Variants in ZNF804B observed in about 807,000 individuals in gnomAD.
The protein encoded by ZNF804B is zinc finger 804B.
In ZNF804B, 80 loss-of-function variants were observed where a neutral mutation model predicts 101.4. The observed-to-expected ratio is 0.79, with a 90% confidence interval of 0.66 to 0.95. ZNF804B has a LOEUF of 0.95. ZNF804B is among the 40% of genes least tolerant of loss of function. ZNF804B has a pLI of 0.00. For synonymous variants in ZNF804B, 622 were observed against 558.8 expected, an observed-to-expected ratio of 1.11 and a Z score of -1.59; for missense variants, 1,673 against 1,561.9, an observed-to-expected ratio of 1.07 and a Z score of -1.20.
At chr7:89,075,709 C>G (rs1789607186) in intron 1 of ZNF804B, among the ~76,000 whole-genome samples, 1 of 152,148 alleles carries the variant, frequency 6.6e-6, no homozygotes, top group Non-Finnish European at 1.5e-5. Context: ...CCTCCAGACC[C>G]CAGAATGGTA....
At chr7:88,960,112 C>T (rs188392719) in intron 1 of ZNF804B, among the ~76,000 whole-genome samples, 25 of 151,098 alleles carry the variant, frequency 1.7e-4, no homozygotes, top group Admixed American at 1.2e-3. Flanking sequence ...GTCTGTTGTA[C>T]AAATTATTAC....
intron 1 of ZNF804B, among the ~76,000 whole-genome samples, chr7:89,078,564 A>G (rs1298146095): frequency 2.0e-5 from 3 of 151,912 alleles, no homozygotes; most frequent in Admixed American, 6.6e-5. Context: ...ATATTTTGCA[A>G]TCAGATAAAT....
chr7:89,227,443 CCAGA>C (rs1379982720), intron 2 of ZNF804B, among the ~76,000 whole-genome samples: 3 of 152,072 alleles, frequency 2.0e-5, no homozygotes, highest in African/African-American at 7.2e-5. Flanking sequence ...ATGGAGTGAA[CCAGA>C]CAATCATCTC....
intron 1 of ZNF804B, among the ~76,000 whole-genome samples, chr7:88,911,890 T>A (rs1404482419): frequency 1.3e-5 from 2 of 152,026 alleles, no homozygotes; most frequent in Non-Finnish European, 1.5e-5. Flanking sequence ...ATATGTTATA[T>A]GTGTATATCT....
At chr7:89,073,782 C>G (rs886563298) in intron 1 of ZNF804B, among the ~76,000 whole-genome samples, 1 of 152,072 alleles carries the variant, frequency 6.6e-6, no homozygotes, top group African/African-American at 2.4e-5. Flanking sequence ...CTGTGTTTAA[C>G]TTCTGGTCAT....
chr7:89,145,018 A>G (rs922146622), intron 1 of ZNF804B, among the ~76,000 whole-genome samples: 1 of 151,906 alleles, frequency 6.6e-6, no homozygotes, highest in Non-Finnish European at 1.5e-5. Flanking sequence ...AGATGGGAGG[A>G]TTGCTTAAGC....
At chr7:89,012,730 C>T (rs1436890358) in intron 1 of ZNF804B, among the ~76,000 whole-genome samples, 1 of 152,112 alleles carries the variant, frequency 6.6e-6, no homozygotes, top group Non-Finnish European at 1.5e-5. Flanking sequence ...TATTCTGAGC[C>T]CTCTAAACTG....
At chr7:88,977,830 A>G (rs1427743053) in intron 1 of ZNF804B, among the ~76,000 whole-genome samples, 2 of 150,666 alleles carry the variant, frequency 1.3e-5, no homozygotes, top group Admixed American at 1.3e-4. Flanking sequence ...TAGGTTGTGT[A>G]TTTAAAGTTT....
chr7:88,799,132 T>C (rs1448062601), intron 1 of ZNF804B, among the ~76,000 whole-genome samples: 1 of 152,104 alleles, frequency 6.6e-6, no homozygotes, highest in African/African-American at 2.4e-5. Context: ...CTATTACTGA[T>C]ATACTTATGC....
At chr7:88,843,331 T>C (rs749641914) in intron 1 of ZNF804B, among the ~76,000 whole-genome samples, 1 of 152,194 alleles carries the variant, frequency 6.6e-6, no homozygotes, top group Non-Finnish European at 1.5e-5. Context: ...ATGATTGTGG[T>C]AACTTAAGTA....
chr7:89,282,422 A>T (rs1005094333), intron 2 of ZNF804B, among the ~76,000 whole-genome samples: 3 of 152,262 alleles, frequency 2.0e-5, no homozygotes, highest in Non-Finnish European at 1.5e-5. Context: ...AACTTATTTT[A>T]AAAAAGTTGA....
chr7:88,975,722 T>G (rs1793607361), intron 1 of ZNF804B, among the ~76,000 whole-genome samples: 1 of 151,678 alleles, frequency 6.6e-6, no homozygotes, highest in Non-Finnish European at 1.5e-5. Flanking sequence ...ATCTGTGGGT[T>G]GTCTCTTCAT....
rs150360988 is a variant in ZNF804B at position 88,767,651 on chromosome 7, C to T, written c.108+7567C>T. On this transcript the variant is annotated intron_variant, in intron 1 of 3. Transcript: ENST00000333190. ...ATGAAAGGAAGAGGCATGGAGGTGG[C>T]CATATTACTTGCATTCACATTCTCT... 7.9e-5 allele frequency among the ~76,000 whole-genome samples: 12 copies of T among 152,260 alleles called. No homozygotes were observed. In the East Asian group the frequency reaches 2.1e-3, roughly 27 times the overall value.
chr7:89,010,602 GT>G, intron 1 of ZNF804B, among the ~76,000 whole-genome samples: 1 of 152,038 alleles, frequency 6.6e-6, no homozygotes, highest in Non-Finnish European at 1.5e-5. Context: ...CACTTAATGG[GT>G]TTTTTTGCAC....
chr7:88,806,043 T>A (rs1381685327), intron 1 of ZNF804B, among the ~76,000 whole-genome samples: 1 of 152,054 alleles, frequency 6.6e-6, no homozygotes, highest in Non-Finnish European at 1.5e-5. Context: ...ATGAGGACCT[T>A]ATTTCTAACC....
intron 1 of ZNF804B, among the ~76,000 whole-genome samples, chr7:89,214,025 G>A (rs1317781078): frequency 2.0e-5 from 3 of 152,064 alleles, no homozygotes; most frequent in Non-Finnish European, 4.4e-5. Flanking sequence ...AAACATACGT[G>A]TTTTACGCAT....
chr7:88,836,472 A>G (rs1052837949), intron 1 of ZNF804B, among the ~76,000 whole-genome samples: 3 of 151,908 alleles, frequency 2.0e-5, no homozygotes, highest in Middle Eastern at 3.2e-3. Context: ...TCAAGCAAGA[A>G]CAACAATAAC....
chr7:89,089,387 G>A (rs549323054), intron 1 of ZNF804B, among the ~76,000 whole-genome samples: 1 of 151,774 alleles, frequency 6.6e-6, no homozygotes, highest in South Asian at 2.1e-4. Flanking sequence ...CTCTGAATAG[G>A]TATATATAGA....
intron 1 of ZNF804B, among the ~76,000 whole-genome samples, chr7:88,921,018 G>C (rs1452716409): frequency 6.6e-6 from 1 of 152,052 alleles, no homozygotes; most frequent in Non-Finnish European, 1.5e-5. Context: ...TGTAGCTCAT[G>C]TAATTTTTCT....
Sources: gnomAD v4.1 joint callset for allele counts (sites outside exome capture counted in the v4.1 genomes callset) on GRCh38, gnomAD v4.1.1 for gene constraint, MANE v1.5 for transcripts, NCBI Gene and HGNC (gene_info 2026-07-23, HGNC 2026-07-21) for gene names.